MAML3: variants seen among roughly 807,000 people sequenced by gnomAD.
The protein encoded by MAML3 is mastermind-like protein 3.
In MAML3, 27 loss-of-function variants were observed where a neutral mutation model predicts 101.9. The observed-to-expected ratio is 0.27, with a 90% CI of 0.20 to 0.37. MAML3 has a LOEUF of 0.37. Among genes scored for constraint, MAML3 ranks in the 10% least tolerant of loss-of-function variants. The pLI is 1.00. For synonymous variants in MAML3, 501 were observed against 555.9 expected (o/e 0.90, Z 1.39); for missense variants, 1,316 against 1,444.9 (o/e 0.91, Z 1.45).
chr4:139,933,668 T>G (rs1216939192), intron 1 of MAML3, among the ~76,000 whole-genome samples: 1 of 152,220 alleles, frequency 6.6e-6, no homozygotes, highest in Non-Finnish European at 1.5e-5. Context: ...TCTGTCACAC[T>G]CCTTTGATGT....
intron 1 of MAML3, among the ~76,000 whole-genome samples, chr4:139,975,358 T>C (rs973018086): frequency 6.6e-6 from 1 of 152,162 alleles, no homozygotes; most frequent in African/African-American, 2.4e-5. Context: ...AAATGTCACT[T>C]TTCAGTGAAG....
intron 1 of MAML3, among the ~76,000 whole-genome samples, chr4:139,984,926 C>A (rs1231952933): frequency 6.6e-6 from 1 of 152,150 alleles, no homozygotes; most frequent in Non-Finnish European, 1.5e-5. Flanking sequence ...ATCAAGTTGA[C>A]ACATAAGACT....
chr4:139,924,379 C>G (rs1733182134), intron 1 of MAML3, among the ~76,000 whole-genome samples: 1 of 152,102 alleles, frequency 6.6e-6, no homozygotes, highest in African/African-American at 2.4e-5. Context: ...AGGTATTTTA[C>G]CCTCAAATAT....
intron 1 of MAML3, among the ~76,000 whole-genome samples, chr4:139,978,913 C>G (rs1734395651): frequency 3.2e-5 from 1 of 30,772 alleles, no homozygotes; most frequent in South Asian, 1.8e-3. Flanking sequence ...CCTCCTTTCA[C>G]TTTCAAAGAG....
chr4:139,909,091 C>T (rs979081019), intron 1 of MAML3, among the ~76,000 whole-genome samples: 8 of 152,202 alleles, frequency 5.3e-5, no homozygotes, highest in African/African-American at 1.9e-4. Context: ...CATAGGACTC[C>T]TGCACTCGAA....
chr4:140,111,407 A>G (rs1253913513), intron 1 of MAML3, among the ~76,000 whole-genome samples: 1 of 152,242 alleles, frequency 6.6e-6, no homozygotes, highest in Non-Finnish European at 1.5e-5. Flanking sequence ...ACAGATAGAG[A>G]TGCGTGCAAA....
chr4:140,017,241 C>T (rs1344594603), intron 1 of MAML3, among the ~76,000 whole-genome samples: 1 of 151,998 alleles, frequency 6.6e-6, no homozygotes, highest in Non-Finnish European at 1.5e-5. Context: ...AAATTAAGGC[C>T]GCAATGAGAC....
At chr4:139,887,468 C>T (rs1732367490) in intron 2 of MAML3, among the ~76,000 whole-genome samples, 1 of 152,232 alleles carries the variant, frequency 6.6e-6, no homozygotes, top group Middle Eastern at 3.2e-3. Context: ...GCTGACTGAG[C>T]TCTTTCAAAA....
At position 139,785,189 on chromosome 4, in the gene MAML3, T is replaced by C. The variant is rs973776710; in HGVS notation, c.2080-54522A>G. ...GACACCCAGCCACATGGCTCCTGGG[T>C]GCTCAATGTCTGAACCACAGCCTGC... On this transcript the variant is annotated intron_variant, in intron 2 of 4. Coordinates refer to ENST00000509479, the MANE Select transcript of MAML3 (RefSeq NM_018717.5). This position sits in a 1 kb window ranked among gnomAD's most constrained non-coding sequence, Gnocchi z 4.3. 6.6e-6 allele frequency among the ~76,000 whole-genome samples: 1 copy of C among 152,170 alleles called. No individual in the cohort carries two copies. Among genetic ancestry groups the C allele is most frequent in the African/African-American group, 2.4e-5 (1 of 41,436 alleles).
At chr4:139,838,697 T>C (rs894737082) in intron 2 of MAML3, among the ~76,000 whole-genome samples, 2 of 152,178 alleles carry the variant, frequency 1.3e-5, no homozygotes, top group African/African-American at 4.8e-5. Context: ...ATAGGAAAAA[T>C]GGTGTTCTGC....
At chr4:139,936,693 G>A (rs1386778808) in intron 1 of MAML3, among the ~76,000 whole-genome samples, 1 of 152,042 alleles carries the variant, frequency 6.6e-6, no homozygotes. Context: ...GGGTAACATG[G>A]TGAGACCCTG....
intron 1 of MAML3, among the ~76,000 whole-genome samples, chr4:139,971,718 T>C (rs1397440): frequency 0.73 from 111,629 of 152,034 alleles, 41,388 homozygotes; most frequent in Admixed American, 0.82. Flanking sequence ...TTCCATTTTC[T>C]GGGTTAGGTA....
chr4:139,953,586 T>C (rs2063524867), intron 1 of MAML3, among the ~76,000 whole-genome samples: 2 of 152,186 alleles, frequency 1.3e-5, no homozygotes, highest in Admixed American at 1.3e-4. Context: ...GCCAATGTAC[T>C]CCAGCCTGGG....
chr4:139,765,197 T>A (rs1195494321), intron 2 of MAML3, among the ~76,000 whole-genome samples: 1 of 151,742 alleles, frequency 6.6e-6, no homozygotes, highest in African/African-American at 2.4e-5. Flanking sequence ...ATGTTATATC[T>A]GGTAAAAAAT....
chr4:140,035,898 T>C (rs866630561), intron 1 of MAML3, among the ~76,000 whole-genome samples: 2 of 152,248 alleles, frequency 1.3e-5, no homozygotes, highest in African/African-American at 4.8e-5. Flanking sequence ...GAACACATTA[T>C]CTACTTTTTG....
intron 2 of MAML3, among the ~76,000 whole-genome samples, chr4:139,747,429 C>T (rs555202374): frequency 6.6e-6 from 1 of 152,334 alleles, no homozygotes; most frequent in Non-Finnish European, 1.5e-5. Flanking sequence ...CACAGTGGCT[C>T]ACGCCTGTAA....
chr4:140,149,445 T>A (rs909421894), intron 1 of MAML3, among the ~76,000 whole-genome samples: 36 of 152,144 alleles, frequency 2.4e-4, no homozygotes, highest in African/African-American at 8.2e-4. Flanking sequence ...TTGTTTGCTA[T>A]TTTTTTGTTG....
chr4:139,774,404 G>A (rs992947210), intron 2 of MAML3, among the ~76,000 whole-genome samples: 1 of 152,214 alleles, frequency 6.6e-6, no homozygotes, highest in African/African-American at 2.4e-5. Flanking sequence ...GCACGTAGTA[G>A]GAGTTCAATC....
chr4:139,879,537 AAAAG>A (rs1176863571), intron 2 of MAML3, among the ~76,000 whole-genome samples: 66 of 144,998 alleles, frequency 4.6e-4, no homozygotes, highest in South Asian at 1.7e-3. Context: ...AAAAAAAAAA[AAAAG>A]AAAAGAAAAG....
Sources: allele counts gnomAD v4.1 joint callset (sites outside exome capture counted in the v4.1 genomes callset), GRCh38; gene constraint gnomAD v4.1.1; non-coding constraint Gnocchi (gnomAD v3.1); transcripts MANE v1.5; gene names NCBI Gene and HGNC (gene_info 2026-07-23, HGNC 2026-07-21).